CSMD1: variants seen among roughly 807,000 people sequenced by gnomAD.
CSMD1 encodes CUB and Sushi multiple domains 1.
CSMD1 carries 213 observed loss-of-function variants against 417.5 expected under a neutral mutation model. The ratio of observed to expected loss-of-function variants is 0.51; its 90% confidence interval spans 0.46 to 0.57. The LOEUF (loss-of-function observed/expected upper bound fraction) is 0.57. CSMD1 is among the 20% of genes least tolerant of loss of function. The pLI, the probability that CSMD1 is intolerant of heterozygous loss-of-function variation, is 0.00. For missense variants in CSMD1, 6,923 were observed against 4,529.7 expected (o/e 1.53, Z -15.17); for synonymous variants, 2,862 against 1,736.8 (o/e 1.65, Z -16.11).
intron 3 of CSMD1, among the ~76,000 whole-genome samples, chr8:4,192,405 G>T (rs866060676): frequency 1.3e-5 from 2 of 152,008 alleles, no homozygotes; most frequent in African/African-American, 4.8e-5. Context: ...GTTGTGCCTG[G>T]AACATCAAGA....
chr8:3,773,376 G>C (rs546186392), intron 5 of CSMD1, among the ~76,000 whole-genome samples: 1 of 152,136 alleles, frequency 6.6e-6, no homozygotes, highest in Non-Finnish European at 1.5e-5. Context: ...CTCGACTACA[G>C]TGAAGGCTCA....
At chr8:4,441,095 GTTTTTTTTTT>G (rs36000734) in intron 2 of CSMD1, among the ~76,000 whole-genome samples, 1 of 51,318 alleles carries the variant, frequency 1.9e-5, no homozygotes, top group East Asian at 6.8e-4. Flanking sequence ...TAATCAAAAG[GTTTTTTTTTT>G]TTTTTTTTTT....
chr8:3,246,222 C>G (rs1274103780), intron 26 of CSMD1, among the ~76,000 whole-genome samples: 1 of 152,122 alleles, frequency 6.6e-6, no homozygotes, highest in Non-Finnish European at 1.5e-5. Context: ...GCCTGCCACA[C>G]ATCCACTGTG....
At chr8:3,889,011 T>C (rs1444601008) in intron 5 of CSMD1, among the ~76,000 whole-genome samples, 1 of 152,168 alleles carries the variant, frequency 6.6e-6, no homozygotes, top group Non-Finnish European at 1.5e-5. Flanking sequence ...ACAAACTCAT[T>C]CAATTACCAT....
At chr8:3,882,836 T>C (rs1806294670) in intron 5 of CSMD1, among the ~76,000 whole-genome samples, 3 of 152,168 alleles carry the variant, frequency 2.0e-5, no homozygotes, top group Admixed American at 1.3e-4. Context: ...AATTAGTCAA[T>C]GCTGTCAGAA....
rs112024674 is a variant in CSMD1, at chr8:3,759,627, C to G, written c.819-5585G>C. 3.3e-3 allele frequency among the ~76,000 whole-genome samples: 495 copies of G among 151,852 alleles called. 4 individuals are homozygous for G. Among genetic ancestry groups the G allele is most frequent in the African/African-American group, 0.011 (469 of 41,398 alleles). ...GAGAATAGGGTGCCAGGCACAGTGGCTCACACCTGTAATTTCAGCAATTTG... is the reference window on the plus strand; with the variant it reads ...GAGAATAGGGTGCCAGGCACAGTGGGTCACACCTGTAATTTCAGCAATTTG... On this transcript the variant is annotated intron_variant, in intron 5 of 69. Transcript: ENST00000635120.
rs115633253 is a variant in CSMD1, at chr8:3,151,176, A to G, written c.6031+221T>C. ...ATGCCTACTATATCATCATTCGGCC[A>G]ATTTAATTTGCCTTGAAAAGAGTTG... On this transcript the variant is annotated intron_variant, in intron 40 of 69. Coordinates refer to ENST00000635120, the MANE Select transcript of CSMD1 (RefSeq NM_033225.6). 4.8e-3 allele frequency: 2,232 copies of G among 465,150 alleles called. 40 individuals carry two copies. Among genetic ancestry groups the G allele is most frequent in the African/African-American group, 0.04 (2,044 of 51,228 alleles). 28.8% of individuals were successfully genotyped at this position (465,150 alleles called of 1,614,324 possible). A position where few individuals can be genotyped will look rare whatever the true frequency, so the allele number is the denominator to read the frequency against.
chr8:4,570,989 T>G (rs565687327), intron 2 of CSMD1, among the ~76,000 whole-genome samples: 1 of 152,118 alleles, frequency 6.6e-6, no homozygotes, highest in Non-Finnish European at 1.5e-5. Flanking sequence ...GGTGGTGATA[T>G]CCCTTTATCT....
chr8:4,084,237 C>G (rs1800300801), intron 3 of CSMD1, among the ~76,000 whole-genome samples: 1 of 151,144 alleles, frequency 6.6e-6, no homozygotes. Context: ...GTAGTAATCC[C>G]TTACTACAAA....
intron 54 of CSMD1, among the ~76,000 whole-genome samples, chr8:2,981,736 C>T (rs190888392): frequency 6.6e-6 from 1 of 152,184 alleles, no homozygotes; most frequent in East Asian, 1.9e-4. Context: ...TGTTCTGTGG[C>T]GAAAGCTGGG....
At chr8:3,670,267 T>C (rs970440167) in intron 7 of CSMD1, among the ~76,000 whole-genome samples, 1 of 151,950 alleles carries the variant, frequency 6.6e-6, no homozygotes, top group Non-Finnish European at 1.5e-5. Flanking sequence ...CAGACTGGCC[T>C]AGCCTCCCAG....
chr8:4,727,967 A>AT (rs1441744760), intron 1 of CSMD1, among the ~76,000 whole-genome samples: 1 of 20,798 alleles, frequency 4.8e-5, no homozygotes, highest in African/African-American at 2.9e-4. Context: ...TATATATACA[A>AT]AATATATATG....
intron 1 of CSMD1, among the ~76,000 whole-genome samples, chr8:4,764,294 C>T (rs190296925): frequency 6.6e-6 from 1 of 152,108 alleles, no homozygotes; most frequent in Non-Finnish European, 1.5e-5. Context: ...GTGAGACTAT[C>T]TTTTTGAAAA....
intron 5 of CSMD1, among the ~76,000 whole-genome samples, chr8:3,982,993 C>G (rs931837628): frequency 2.6e-5 from 4 of 152,108 alleles, no homozygotes; most frequent in African/African-American, 9.7e-5. Flanking sequence ...GCCCCTAGAG[C>G]TAGTTAGTAG....
At chr8:3,103,518 G>A (rs1345634597) in intron 46 of CSMD1, among the ~76,000 whole-genome samples, 2 of 152,004 alleles carry the variant, frequency 1.3e-5, no homozygotes, top group Admixed American at 6.6e-5. Flanking sequence ...ACATTGAAAA[G>A]GTAATGCGTG....
At chr8:4,178,134 G>T (rs531937683) in intron 3 of CSMD1, among the ~76,000 whole-genome samples, 1 of 152,218 alleles carries the variant, frequency 6.6e-6, no homozygotes, top group Non-Finnish European at 1.5e-5. Context: ...CCAAAAAAGA[G>T]AATTTTAGAC....
At chr8:3,894,846 A>G (rs1388505761) in intron 5 of CSMD1, among the ~76,000 whole-genome samples, 1 of 152,178 alleles carries the variant, frequency 6.6e-6, no homozygotes, top group Non-Finnish European at 1.5e-5. Context: ...CTCTGGCTCT[A>G]TTCTAAAGGA....
Position 4,674,461 on chromosome 8 carries a change from G to A in CSMD1, c.86-36903C>T, listed in dbSNP as rs192719478. ...GGGAAGGTCTCAAACACCTGGCAGAGGAGGCTGTGTGTATAAATGCTCAAA... is the reference window on the plus strand; with the variant it reads ...GGGAAGGTCTCAAACACCTGGCAGAAGAGGCTGTGTGTATAAATGCTCAAA... On this transcript the variant is annotated intron_variant, in intron 1 of 69. Transcript: ENST00000635120. 2.8e-3 allele frequency among the ~76,000 whole-genome samples: 419 copies of A among 152,296 alleles called. 2 individuals are homozygous for A. Among genetic ancestry groups the A allele is most frequent in the Non-Finnish European group, 4.5e-3 (305 of 68,024 alleles).
At chr8:4,695,469 G>C (rs755307150) in intron 1 of CSMD1, among the ~76,000 whole-genome samples, 2 of 152,164 alleles carry the variant, frequency 1.3e-5, no homozygotes, top group African/African-American at 4.8e-5. Flanking sequence ...CTCAGTTGTT[G>C]CCTCTCCTTT....
Sources: gnomAD v4.1 joint callset for allele counts (sites outside exome capture counted in the v4.1 genomes callset) on GRCh38, gnomAD v4.1.1 for gene constraint, MANE v1.5 for transcripts, NCBI Gene and HGNC (gene_info 2026-07-23, HGNC 2026-07-21) for gene names.